Variants in TGFB1 observed in about 807,000 individuals in gnomAD.
TGFB1 encodes transforming growth factor beta 1, also known as transforming growth factor beta-1 proprotein.
Under a neutral mutation model 43.8 loss-of-function variants are expected in TGFB1, and 19 were observed. That is an observed-to-expected ratio of 0.43 (90% CI 0.30 to 0.64). The LOEUF (loss-of-function observed/expected upper bound fraction) is 0.64. Among genes scored for constraint, TGFB1 ranks in the 30% least tolerant of loss-of-function variants. The pLI, the probability that TGFB1 is intolerant of heterozygous loss-of-function variation, is 0.11. For synonymous variants in TGFB1, 221 were observed against 236.3 expected (o/e 0.94, Z 0.60); for missense variants, 445 against 529.8 (o/e 0.84, Z 1.57).
At chr19:41,352,643 G>A (rs2038220088) in intron 1 of TGFB1, 47 bp downstream of exon 1, 2 of 1,602,848 alleles carry the variant, frequency 1.2e-6, no homozygotes, top group Non-Finnish European at 1.7e-6. Flanking sequence ...GCACTCCGGC[G>A]CCCCCTGGGG....
In TGFB1 at chr19:41,331,164, G is replaced by C; in HGVS notation, c.1061C>G (p.Pro354Arg). 3 of 1,558,146 alleles carry C rather than the reference G, an allele frequency of 1.9e-6. No homozygotes were observed. Among genetic ancestry groups the C allele is most frequent in the Non-Finnish European group, 2.6e-6 (3 of 1,153,862 alleles). Residue 354 changes from proline (P) to arginine (R), a missense_variant, in exon 7 of 7, where the codon CCG becomes CGG. This residue lies in a region of TGFB1 where 23 missense variants were observed against 54.1 expected (regional missense o/e 0.42). Transcript: ENST00000221930. ...NQHNPGASAAPCCVPQALEPL... is the reference protein window; with the variant it reads ...NQHNPGASAARCCVPQALEPL... ...CTCCAGCGCCTGCGGCACGCAGCAC[G>C]GCGCCGCCGAGGCGCCCGGGTTATG...
At chr19:41,338,179 T>C (rs1370417457) in intron 5 of TGFB1, among the ~76,000 whole-genome samples, 1 of 148,732 alleles carries the variant, frequency 6.7e-6, no homozygotes, top group Non-Finnish European at 1.5e-5. Flanking sequence ...GTGACACAGC[T>C]AGACTCTGTC....
intron 2 of TGFB1, among the ~76,000 whole-genome samples, chr19:41,346,182 C>T (rs1040062264): frequency 2.6e-5 from 4 of 152,014 alleles, no homozygotes; most frequent in African/African-American, 4.8e-5. Flanking sequence ...GAAACACCGT[C>T]TCTACTAAAA....
In TGFB1 at chr19:41,332,013, CTCTT is replaced by C. The variant is rs1280061741; in HGVS notation, c.1014+111_1014+114del. ...TCATTCCCCTCCCCACCCCATCCCT[CTCTT>C]TCTCCCCATCCTGCCAACTCACCTC... On this transcript the variant is annotated intron_variant, in intron 6 of 6. Coordinates refer to ENST00000221930, the MANE Select transcript of TGFB1 (RefSeq NM_000660.7). 3.6e-6 allele frequency: 5 copies of C among 1,380,498 alleles called. No individual in the cohort carries two copies. In the African/African-American group the frequency reaches 4.3e-5, roughly 12 times the overall value. 85.5% of individuals were successfully genotyped at this position (1,380,498 alleles called of 1,614,324 possible).
intron 2 of TGFB1, among the ~76,000 whole-genome samples, chr19:41,346,919 T>G (rs1367117721): frequency 6.6e-6 from 1 of 151,572 alleles, no homozygotes; most frequent in East Asian, 1.9e-4. Flanking sequence ...AGAGATGGAG[T>G]TTCGTCATGT....
chr19:41,330,946 G>C lies in TGFB1; in HGVS notation c.*106C>G, dbSNP rs201889805. 4 of 1,103,816 alleles carry C rather than the reference G, an allele frequency of 3.6e-6. No individual in the cohort carries two copies. The African/African-American group carries it at 6.7e-5, about 18-fold the overall frequency. The allele number at this position is 1,103,816 out of a possible 1,614,324, so 68.4% of individuals were successfully genotyped here. ...TCCATCTTTAATGGGGCCCCAGGTG[G>C]GCTTGGGGCACGGGTGTCCTTAAAT... On this transcript the variant is annotated 3_prime_UTR_variant, in exon 7 of 7. Transcript: ENST00000221930.
At chr19:41,331,295 G>T in intron 6 of TGFB1, 85 bp from the exon 7 acceptor site, 1 of 1,405,392 alleles carries the variant, frequency 7.1e-7, no homozygotes, top group Non-Finnish European at 9.3e-7. Flanking sequence ...ACCCGCTACC[G>T]CGCCAGCCTC....
chr19:41,341,070 A>C (rs915691826), intron 5 of TGFB1, among the ~76,000 whole-genome samples: 1 of 150,930 alleles, frequency 6.6e-6, no homozygotes, highest in Non-Finnish European at 1.5e-5. Context: ...GGTGGCTCAC[A>C]CCTGTAATCC....
chr19:41,353,187 GCGC>G lies in TGFB1; in HGVS notation c.-146_-144del. 1 of 1,073,632 alleles carries G rather than the reference GCGC, an allele frequency of 9.3e-7. No individual in the cohort carries two copies. Among genetic ancestry groups the G allele is most frequent in the African/African-American group, 1.7e-5 (1 of 60,370 alleles). The allele number at this position is 1,073,632 out of a possible 1,614,324, so 66.5% of individuals were successfully genotyped here. A position where few individuals can be genotyped will look rare whatever the true frequency, so the allele number is the denominator to read the frequency against. On this transcript the variant is annotated 5_prime_UTR_variant, in exon 1 of 7. Transcript: ENST00000221930. The surrounding 1 kb of genome is among the most constrained non-coding windows in gnomAD (Gnocchi z 5.9). Reference sequence around the variant, plus strand: ...AAAGCTGAGGTCCTCAGGGAGAAGGGCGCAGTGGTGGAGGGGAGGCTTGGACCG... The same window carrying G: ...AAAGCTGAGGTCCTCAGGGAGAAGGGAGTGGTGGAGGGGAGGCTTGGACCG...
intron 1 of TGFB1, among the ~76,000 whole-genome samples, chr19:41,349,706 G>A (rs1439926770): frequency 6.6e-6 from 1 of 152,006 alleles, no homozygotes; most frequent in Non-Finnish European, 1.5e-5. Flanking sequence ...ATAGTGTGCC[G>A]AGATTGCGCC....
chr19:41,340,720 C>A (rs114524815), intron 5 of TGFB1, among the ~76,000 whole-genome samples: 1 of 152,186 alleles, frequency 6.6e-6, no homozygotes, highest in Non-Finnish European at 1.5e-5. Context: ...AAACAGAATT[C>A]TACCACTGTG....
intron 2 of TGFB1, among the ~76,000 whole-genome samples, chr19:41,345,443 G>A (rs1264453252): frequency 6.6e-6 from 1 of 152,138 alleles, no homozygotes; most frequent in African/African-American, 2.4e-5. Flanking sequence ...ACTGCAGTGA[G>A]CCAAGATCAC....
intron 5 of TGFB1, among the ~76,000 whole-genome samples, chr19:41,334,804 A>C (rs1487678531): frequency 6.6e-6 from 1 of 151,540 alleles, no homozygotes; most frequent in African/African-American, 2.4e-5. Context: ...CTGTGAACTC[A>C]GCCCGTACCA....
intron 6 of TGFB1, 113 bp downstream of exon 6, chr19:41,332,015 C>T (rs995105968): frequency 7.2e-7 from 1 of 1,382,844 alleles, no homozygotes; most frequent in Middle Eastern, 1.9e-4. Flanking sequence ...CCATCCCTCT[C>T]TTTCTCCCCA....
Position 41,353,347 on chromosome 19 carries a change from T to C in TGFB1, c.-303A>G. ...CTCCTGGAGGAGAAAGGGTCTAGGA[T>C]GCGCGGGGGCTCAGGAGACAGGCCG... On this transcript the variant is annotated 5_prime_UTR_variant, in exon 1 of 7. Coordinates refer to ENST00000221930, the MANE Select transcript of TGFB1 (RefSeq NM_000660.7). This position sits in a 1 kb window ranked among gnomAD's most constrained non-coding sequence, Gnocchi z 5.9. 3.0e-6 allele frequency: 1 copy of C among 335,900 alleles called. No individual in the cohort carries two copies. Among genetic ancestry groups the C allele is most frequent in the East Asian group, 5.1e-5 (1 of 19,694 alleles). The allele number at this position is 335,900 out of a possible 1,614,324, so 20.8% of individuals were successfully genotyped here.
intron 5 of TGFB1, among the ~76,000 whole-genome samples, chr19:41,333,946 T>C (rs2037962042): frequency 6.6e-6 from 1 of 152,274 alleles, no homozygotes; most frequent in African/African-American, 2.4e-5. Flanking sequence ...TTTACGGGCA[T>C]TCATTATCTT....
chr19:41,352,700 T>G lies in TGFB1; in HGVS notation c.345A>C (p.Glu115Asp). Residue 115 changes from glutamate (E) to aspartate (D), a missense_variant, in exon 1 of 7, where the codon GAA (glutamate) becomes GAC (aspartate). Glu to Asp is a conservative substitution (Grantham distance 45). Around this residue, in one of 3 missense-constraint regions of TGFB1, gnomAD observed 366 missense variants for 428.8 expected, o/e 0.85. Transcript: ENST00000221930. ...AKEVTRVLMVETHNEIYDKFK... is the reference protein window; with the variant it reads ...AKEVTRVLMVDTHNEIYDKFK... ...CCCCTCCGAGCTCACCGTTGTGGGT[T>G]TCCACCATTAGCACGCGGGTGACCT... The G allele has an allele frequency of 6.2e-7, 1 of 1,613,466 alleles. No individual in the cohort carries two copies. The highest frequency in any genetic ancestry group is 8.5e-7 in the Non-Finnish European group (1 of 1,179,872).
chr19:41,353,089 C>A lies in TGFB1; in HGVS notation c.-45G>T, dbSNP rs140027851. 1 of 1,474,916 alleles carries A rather than the reference C, an allele frequency of 6.8e-7. No individual in the cohort carries two copies. Among genetic ancestry groups the A allele is most frequent in the South Asian group, 1.3e-5 (1 of 74,726 alleles). 91.4% of individuals were successfully genotyped at this position (1,474,916 alleles called of 1,614,324 possible). On this transcript the variant is annotated 5_prime_UTR_variant, in exon 1 of 7. Coordinates refer to ENST00000221930, the MANE Select transcript of TGFB1 (RefSeq NM_000660.7). The surrounding 1 kb of genome is among the most constrained non-coding windows in gnomAD (Gnocchi z 5.9). ...GGCACTGCCGAGAGCGCGAACAGGG[C>A]TGGTGTGGTGGGGAGGCCCCGCCCC...
rs528498844 is a variant in TGFB1 at position 41,344,657 on chromosome 19, G to A, written c.634+90C>T. ...CAGCACTTTCACACCAGTATGGGGC[G>A]GAGAGGGGTCCTAGGCAAAGTGACC... On this transcript the variant is annotated intron_variant, in intron 3 of 6. Transcript: ENST00000221930. The A allele has an allele frequency of 3.6e-5, 43 of 1,180,036 alleles. 1 individual carries two copies. Among genetic ancestry groups the A allele is most frequent in the Middle Eastern group, 2.7e-4 (1 of 3,658 alleles). The allele number at this position is 1,180,036 out of a possible 1,614,324, so 73.1% of individuals were successfully genotyped here.
Sources: allele counts gnomAD v4.1 joint callset (sites outside exome capture counted in the v4.1 genomes callset), GRCh38; gene constraint gnomAD v4.1.1; regional missense constraint gnomAD v4.1.1; non-coding constraint Gnocchi (gnomAD v3.1); transcripts MANE v1.5; gene names NCBI Gene and HGNC (gene_info 2026-07-23, HGNC 2026-07-21).